MCC: variants seen among roughly 807,000 people sequenced by gnomAD.
The protein encoded by MCC is colorectal mutant cancer protein.
A neutral mutation model predicts 116.2 loss-of-function variants in MCC; 90 were observed. That is an observed-to-expected ratio of 0.77 (90% CI 0.65 to 0.92). The LOEUF (loss-of-function observed/expected upper bound fraction) is 0.92. MCC is among the 40% of genes least tolerant of loss of function. The pLI, the probability that MCC is intolerant of heterozygous loss-of-function variation, is 0.00. For synonymous variants in MCC, 578 were observed against 510.5 expected, an observed-to-expected ratio of 1.13 and a Z score of -1.78; for missense variants, 1,516 against 1,312.2, an observed-to-expected ratio of 1.16 and a Z score of -2.40.
In MCC at chr5:113,025,283, T is replaced by G. The variant is rs1750458382; in HGVS notation, c.*2019A>C. 1 of 151,280 alleles carries G rather than the reference T, an allele frequency of 6.6e-6. No individual in the cohort carries two copies. Among genetic ancestry groups the G allele is most frequent in the African/African-American group, 2.4e-5 (1 of 41,160 alleles). 9.4% of individuals were successfully genotyped at this position (151,280 alleles called of 1,614,324 possible). A position where few individuals can be genotyped will look rare whatever the true frequency, so the allele number is the denominator to read the frequency against. ...GGGCATATGTTTTTCAGCCAAAACA[T>G]TTTCCTCATGATAAAATGCAACTTT... On this transcript the variant is annotated 3_prime_UTR_variant, in exon 19 of 19. Transcript: ENST00000408903.
At chr5:113,433,755 G>A in intron 1 of MCC, 1 of 1,613,454 alleles carries the variant, frequency 6.2e-7, no homozygotes, top group Non-Finnish European at 8.5e-7. Context: ...CCGCGTCTCT[G>A]GAGGCTGTTG....
chr5:113,467,967 A>G (rs1488327945), intron 1 of MCC, among the ~76,000 whole-genome samples: 1 of 152,156 alleles, frequency 6.6e-6, no homozygotes, highest in East Asian at 1.9e-4. Flanking sequence ...GAGTTCACTC[A>G]TGATTTGGCT....
At chr5:113,320,452 C>CAAAAAA (rs5870537) in intron 3 of MCC, among the ~76,000 whole-genome samples, 20 of 132,456 alleles carry the variant, frequency 1.5e-4, no homozygotes, top group South Asian at 1.3e-3. Context: ...AGACTCATTG[C>CAAAAAA]AAAAAAAAAA....
At chr5:113,262,292 C>T (rs1022254671) in intron 3 of MCC, among the ~76,000 whole-genome samples, 1 of 152,010 alleles carries the variant, frequency 6.6e-6, no homozygotes, top group Non-Finnish European at 1.5e-5. Context: ...CTGCTTTCAA[C>T]TATCACATTT....
chr5:113,071,198 C>G lies in MCC; in HGVS notation c.1821G>C (p.Leu607=). 2 of 1,614,126 alleles carry G rather than the reference C, an allele frequency of 1.2e-6. No homozygotes were observed. Among genetic ancestry groups the G allele is most frequent in the Non-Finnish European group, 1.7e-6 (2 of 1,180,012 alleles). ...TTTTACATTCCTCCAAGGTTATGGTCAGGAGGTCATTTTGGGATTTGAGGT... is the reference window on the plus strand; with the variant it reads ...TTTTACATTCCTCCAAGGTTATGGTGAGGAGGTCATTTTGGGATTTGAGGT... ...IEHLKSQNDL[L]TITLEECKSN... Residue 607 remains leucine, a synonymous_variant, in exon 12 of 19, where the codon CTG becomes CTC. Transcript: ENST00000408903.
chr5:113,456,243 G>A (rs1771543391), intron 1 of MCC, among the ~76,000 whole-genome samples: 1 of 152,118 alleles, frequency 6.6e-6, no homozygotes, highest in South Asian at 2.1e-4. Flanking sequence ...ACCTTCTTAG[G>A]TGGGACCCAG....
intron 3 of MCC, among the ~76,000 whole-genome samples, chr5:113,206,591 C>A (rs940070370): frequency 6.6e-6 from 1 of 152,120 alleles, no homozygotes; most frequent in Non-Finnish European, 1.5e-5. Context: ...TGCCTGTAAT[C>A]CCAGCTACTT....
intron 1 of MCC, among the ~76,000 whole-genome samples, chr5:113,485,108 C>A (rs1341069645): frequency 6.6e-6 from 1 of 152,102 alleles, no homozygotes; most frequent in Non-Finnish European, 1.5e-5. Flanking sequence ...TAGCTGATGC[C>A]TTTTTTGTCA....
intron 1 of MCC, among the ~76,000 whole-genome samples, chr5:113,400,681 T>A (rs1194614905): frequency 6.6e-6 from 1 of 152,214 alleles, no homozygotes; most frequent in Non-Finnish European, 1.5e-5. Context: ...CAATAGCAGA[T>A]CTTATTTTCA....
At chr5:113,269,214 G>A in intron 3 of MCC, 1 of 985,370 alleles carries the variant, frequency 1.0e-6, no homozygotes, top group Non-Finnish European at 1.2e-6. Context: ...CCTGGCGTCA[G>A]GGCCCCGCAA....
intron 3 of MCC, among the ~76,000 whole-genome samples, chr5:113,269,446 T>C (rs975491297): frequency 6.6e-6 from 1 of 152,150 alleles, no homozygotes; most frequent in Non-Finnish European, 1.5e-5. Flanking sequence ...GGGTTTTATC[T>C]CCCCCAAGGT....
chr5:113,097,753 G>T (rs964348223), intron 8 of MCC, among the ~76,000 whole-genome samples: 1 of 152,134 alleles, frequency 6.6e-6, no homozygotes, highest in Non-Finnish European at 1.5e-5. Flanking sequence ...AAACTCCTGG[G>T]CTCAAGCAAT....
chr5:113,478,659 T>G (rs967290192), intron 1 of MCC, among the ~76,000 whole-genome samples: 4 of 152,120 alleles, frequency 2.6e-5, no homozygotes. Flanking sequence ...AAGGGAGACA[T>G]TGAGGTCAGA....
At chr5:113,214,038 T>G in intron 3 of MCC, among the ~76,000 whole-genome samples, 1 of 152,210 alleles carries the variant, frequency 6.6e-6, no homozygotes, top group Non-Finnish European at 1.5e-5. Flanking sequence ...TTTTTTGCAA[T>G]AGTATTATTG....
chr5:113,337,827 G>A (rs1468990932), intron 3 of MCC, among the ~76,000 whole-genome samples: 1 of 152,188 alleles, frequency 6.6e-6, no homozygotes, highest in East Asian at 1.9e-4. Context: ...TTGCCCAAAT[G>A]TGCAGTTTCA....
At chr5:113,335,360 C>A (rs996900694) in intron 3 of MCC, among the ~76,000 whole-genome samples, 1 of 151,626 alleles carries the variant, frequency 6.6e-6, no homozygotes. Flanking sequence ...TAATGTACAT[C>A]AATTAATACT....
At chr5:113,123,469 A>G (rs1007770248) in intron 5 of MCC, among the ~76,000 whole-genome samples, 1 of 152,232 alleles carries the variant, frequency 6.6e-6, no homozygotes, top group Non-Finnish European at 1.5e-5. Context: ...ACACCATTCA[A>G]TGGTCTATTT....
intron 1 of MCC, among the ~76,000 whole-genome samples, chr5:113,458,662 T>C (rs1771650808): frequency 1.3e-5 from 2 of 152,322 alleles, no homozygotes; most frequent in South Asian, 4.2e-4. Flanking sequence ...AACATACTGA[T>C]GTGTGCTGCT....
At chr5:113,179,252 C>T (rs758211223) in intron 3 of MCC, among the ~76,000 whole-genome samples, 3 of 152,196 alleles carry the variant, frequency 2.0e-5, no homozygotes, top group Non-Finnish European at 4.4e-5. Context: ...CCCCCAGCCC[C>T]CTCCATCTGC....
Sources: gnomAD v4.1 joint callset for allele counts (sites outside exome capture counted in the v4.1 genomes callset) on GRCh38, gnomAD v4.1.1 for gene constraint, MANE v1.5 for transcripts, NCBI Gene and HGNC (gene_info 2026-07-23, HGNC 2026-07-21) for gene names.